The following CMTR1 variants were observed in gnomAD, a reference collection of about 807,000 sequenced individuals.
The protein encoded by CMTR1 is cap-specific mRNA (nucleoside-2'-O-)-methyltransferase 1.
A neutral mutation model predicts 107.0 loss-of-function variants in CMTR1; 39 were observed. The observed-to-expected ratio is 0.36, with a 90% CI of 0.28 to 0.48. CMTR1 has a LOEUF of 0.48. CMTR1 is among the 20% of genes least tolerant of loss of function. CMTR1 has a pLI of 0.99. For missense variants in CMTR1, 672 were observed against 1,064.9 expected, an observed-to-expected ratio of 0.63 and a Z score of 5.14; for synonymous variants, 366 against 379.5, an observed-to-expected ratio of 0.96 and a Z score of 0.41.
chr6:37,467,160 G>A (rs768768573), intron 13 of CMTR1, among the ~76,000 whole-genome samples: 12 of 151,952 alleles, frequency 7.9e-5, no homozygotes, highest in Non-Finnish European at 1.6e-4. Flanking sequence ...GAACGAGACC[G>A]TGTCTCAAAA....
chr6:37,479,093 C>A, intron 22 of CMTR1, 54 bp from the exon 23 acceptor site: 1 of 1,302,490 alleles, frequency 7.7e-7, no homozygotes, highest in Non-Finnish European at 1.1e-6. Context: ...CACGCCTGTC[C>A]TCCACAAGTG....
chr6:37,479,679 C>T (rs1761815985), intron 23 of CMTR1, among the ~76,000 whole-genome samples: 1 of 152,212 alleles, frequency 6.6e-6, no homozygotes, highest in African/African-American at 2.4e-5. Flanking sequence ...TCATAGGCTT[C>T]CCCAGCAGCC....
At chr6:37,431,451 A>G (rs1771366163), upstream of CMTR1, among the ~76,000 whole-genome samples, 1 of 152,230 alleles carries the variant, frequency 6.6e-6, no homozygotes. Flanking sequence ...ACCTTCATTC[A>G]TATTCCACAC....
At chr6:37,459,883 G>T (rs920963998) in intron 10 of CMTR1, among the ~76,000 whole-genome samples, 199 bp downstream of exon 10, 4 of 152,114 alleles carry the variant, frequency 2.6e-5, no homozygotes, top group Admixed American at 1.3e-4. Context: ...GGATACCTTT[G>T]CCTGGAGCAG....
chr6:37,458,912 T>C lies in CMTR1; in HGVS notation c.976+102T>C. On this transcript the variant is annotated intron_variant, in intron 9 of 23. Transcript: ENST00000373451. This position sits in a 1 kb window ranked among gnomAD's most constrained non-coding sequence, Gnocchi z 4.7. Reference sequence around the variant, plus strand: ...TATCCACATGCCATATTTTCTTTCCTAGGTCTCTTACCCTGGGCTTCACAG... The same window carrying C: ...TATCCACATGCCATATTTTCTTTCCCAGGTCTCTTACCCTGGGCTTCACAG... 9.4e-7 allele frequency: 1 copy of C among 1,067,266 alleles called. No individual in the cohort carries two copies. 66.1% of individuals were successfully genotyped at this position (1,067,266 alleles called of 1,614,324 possible). A position where few individuals can be genotyped will look rare whatever the true frequency, so the allele number is the denominator to read the frequency against.
At chr6:37,468,137 T>C (rs1761545410) in intron 13 of CMTR1, among the ~76,000 whole-genome samples, 3 of 151,596 alleles carry the variant, frequency 2.0e-5, no homozygotes, top group African/African-American at 4.9e-5. Flanking sequence ...ATTCCTTTTA[T>C]CTCTTTGAGG....
At chr6:37,471,739 C>A in intron 14 of CMTR1, 108 bp from the exon 15 acceptor site, 1 of 907,856 alleles carries the variant, frequency 1.1e-6, no homozygotes, top group Non-Finnish European at 1.7e-6. Context: ...TGTGTACACT[C>A]ACATGTTCAT....
chr6:37,472,399 T>C lies in CMTR1; in HGVS notation c.1621-20T>C. On this transcript the variant is annotated intron_variant, in intron 15 of 23. Transcript: ENST00000373451. This position sits in a 1 kb window ranked among gnomAD's most constrained non-coding sequence, Gnocchi z 4.1. Reference sequence around the variant, plus strand: ...CAAAAGGGCATTTGAAAGTCAAAGCTCTTTGCTGTCTTATTTCAGATCCCA... The same window carrying C: ...CAAAAGGGCATTTGAAAGTCAAAGCCCTTTGCTGTCTTATTTCAGATCCCA... 6.2e-7 allele frequency: 1 copy of C among 1,613,464 alleles called. No homozygotes were observed. The highest frequency in any genetic ancestry group is 8.5e-7 in the Non-Finnish European group (1 of 1,179,366).
At chr6:37,430,736 C>T (rs1011496367), upstream of CMTR1, among the ~76,000 whole-genome samples, 6 of 152,044 alleles carry the variant, frequency 3.9e-5, no homozygotes, top group Non-Finnish European at 7.4e-5. Context: ...CAAAGTGGGC[C>T]GAGCACGTTG....
At chr6:37,440,796 A>T (rs1322921599) in intron 2 of CMTR1, among the ~76,000 whole-genome samples, 1 of 152,190 alleles carries the variant, frequency 6.6e-6, no homozygotes, top group Non-Finnish European at 1.5e-5. Flanking sequence ...GAAACAAAAG[A>T]TCTCTCTTTG....
At chr6:37,439,629 A>G (rs1248104685) in intron 2 of CMTR1, among the ~76,000 whole-genome samples, 2 of 152,228 alleles carry the variant, frequency 1.3e-5, no homozygotes, top group African/African-American at 4.8e-5. Flanking sequence ...TTTGTCTGGC[A>G]TGAAGGAGAA....
rs772640165 is a variant in CMTR1, at chr6:37,474,656, G to T, written c.1944+10G>T. 1.7e-5 allele frequency: 28 copies of T among 1,613,072 alleles called. No homozygotes were observed. The South Asian group carries it at 2.7e-4, about 16-fold the overall frequency. Reference sequence around the variant, plus strand: ...TGAGCTGAAAGGGGAGGTCAGAGATGGTTCTGCTCAGGTGTTGGCCCTGCA... The same window carrying T: ...TGAGCTGAAAGGGGAGGTCAGAGATTGTTCTGCTCAGGTGTTGGCCCTGCA... On this transcript the variant is annotated intron_variant, in intron 18 of 23. Coordinates refer to ENST00000373451, the MANE Select transcript of CMTR1 (RefSeq NM_015050.3).
At position 37,472,297 on chromosome 6, in the gene CMTR1, C is replaced by G; in HGVS notation, c.1621-122C>G. ...ACCTCCATCCCTGTCAGCCTAGCCT[C>G]CTTTGTTGTGTGCCATTCCTCCTCC... On this transcript the variant is annotated intron_variant, in intron 15 of 23. Coordinates refer to ENST00000373451, the MANE Select transcript of CMTR1 (RefSeq NM_015050.3). This position sits in a 1 kb window ranked among gnomAD's most constrained non-coding sequence, Gnocchi z 4.1. 1.2e-6 allele frequency: 1 copy of G among 852,838 alleles called. No individual in the cohort carries two copies. Among genetic ancestry groups the G allele is most frequent in the South Asian group, 1.4e-5 (1 of 70,366 alleles). 52.8% of individuals were successfully genotyped at this position (852,838 alleles called of 1,614,324 possible). A position where few individuals can be genotyped will look rare whatever the true frequency, so the allele number is the denominator to read the frequency against.
At position 37,480,146 on chromosome 6, in the gene CMTR1, G is replaced by C. The variant is rs771679009; in HGVS notation, c.*1G>C. ...CTTCATCCAGATGCACAGGGCCTAA[G>C]AGCCTCAGAATGTGCCACCCCTGCA... On this transcript the variant is annotated 3_prime_UTR_variant, in exon 24 of 24. Coordinates refer to ENST00000373451, the MANE Select transcript of CMTR1 (RefSeq NM_015050.3). The C allele has an allele frequency of 1.1e-4, 175 of 1,597,796 alleles. No homozygotes were observed. The highest frequency in any genetic ancestry group is 1.4e-4 in the Non-Finnish European group (169 of 1,172,724).
At chr6:37,465,279 GTATAT>G (rs1179512357) in intron 13 of CMTR1, among the ~76,000 whole-genome samples, 5 of 151,022 alleles carry the variant, frequency 3.3e-5, no homozygotes, top group South Asian at 2.1e-4. Flanking sequence ...AAAAAAAAAA[GTATAT>G]TATATATAAA....
the CMTR1 span, among the ~76,000 whole-genome samples, chr6:37,425,845 A>G: frequency 6.6e-6 from 1 of 152,132 alleles, no homozygotes; most frequent in African/African-American, 2.4e-5. Flanking sequence ...ATATTCATCA[A>G]TTTTGGGAAG....
intron 20 of CMTR1, among the ~76,000 whole-genome samples, chr6:37,476,455 C>T (rs914201368): frequency 9.2e-5 from 14 of 152,148 alleles, no homozygotes; most frequent in Non-Finnish European, 1.6e-4. Context: ...TCTGAGAGTG[C>T]CAGCCCACCT....
chr6:37,464,934 A>G (rs1761475459), intron 13 of CMTR1, among the ~76,000 whole-genome samples: 1 of 143,196 alleles, frequency 7.0e-6, no homozygotes, highest in Non-Finnish European at 1.5e-5. Context: ...GTGTGTACAG[A>G]CAAACAATAA....
At chr6:37,455,139 C>T (rs970652899) in intron 8 of CMTR1, among the ~76,000 whole-genome samples, 3 of 150,768 alleles carry the variant, frequency 2.0e-5, no homozygotes, top group South Asian at 4.2e-4. Flanking sequence ...GGCTGGAGTG[C>T]GATGGCGCGA....
Sources: allele counts gnomAD v4.1 joint callset (sites outside exome capture counted in the v4.1 genomes callset), GRCh38; gene constraint gnomAD v4.1.1; non-coding constraint Gnocchi (gnomAD v3.1); transcripts MANE v1.5; gene names NCBI Gene and HGNC (gene_info 2026-07-23, HGNC 2026-07-21).